The following PKD2 variants were observed in gnomAD, a reference collection of about 807,000 sequenced individuals.
The protein encoded by PKD2 is polycystin-2.
Under a neutral mutation model 105.9 loss-of-function variants are expected in PKD2, and 48 were observed. That is an observed-to-expected ratio of 0.45 (90% CI 0.36 to 0.58). The LOEUF (loss-of-function observed/expected upper bound fraction) is 0.58, where lower values mean the gene tolerates loss of function less well. PKD2 is among the 20% of genes least tolerant of loss of function. The pLI is 0.00. For missense variants in PKD2, 1,078 were observed against 1,255.3 expected (o/e 0.86, Z 2.13); for synonymous variants, 464 against 481.1 (o/e 0.96, Z 0.46).
intron 6 of PKD2, among the ~76,000 whole-genome samples, chr4:88,047,983 C>T (rs1004895411): frequency 4.6e-5 from 7 of 152,078 alleles, no homozygotes; most frequent in East Asian, 1.9e-4. Context: ...ATTAAGCATC[C>T]GTCACTTCCT....
chr4:88,036,083 G>C, intron 2 of PKD2, 137 bp from the exon 3 acceptor site: 1 of 1,307,994 alleles, frequency 7.6e-7, no homozygotes, highest in Non-Finnish European at 1.1e-6. Context: ...GGGAAAGGAA[G>C]GCAAGGGTGA....
At chr4:88,023,076 C>A (rs1353618709) in intron 2 of PKD2, among the ~76,000 whole-genome samples, 3 of 151,060 alleles carry the variant, frequency 2.0e-5, no homozygotes, top group African/African-American at 7.3e-5. Flanking sequence ...CAGAGCAAGA[C>A]CCTGTCTCAA....
intron 10 of PKD2, among the ~76,000 whole-genome samples, chr4:88,062,216 C>T (rs1251390366): frequency 1.3e-5 from 2 of 152,068 alleles, no homozygotes; most frequent in Non-Finnish European, 2.9e-5. Context: ...TCCTTTTATG[C>T]CCTGGAATTA....
At chr4:88,044,430 A>G (rs1018639528) in intron 5 of PKD2, among the ~76,000 whole-genome samples, 1 of 152,176 alleles carries the variant, frequency 6.6e-6, no homozygotes, top group African/African-American at 2.4e-5. Flanking sequence ...GTTAAGTTCA[A>G]TTCTGCTTTA....
chr4:88,065,796 T>C lies in PKD2; in HGVS notation c.2275T>C (p.Phe759Leu). The C allele has an allele frequency of 2.5e-6, 4 of 1,613,440 alleles. No individual in the cohort carries two copies. Among genetic ancestry groups the C allele is most frequent in the Non-Finnish European group, 3.4e-6 (4 of 1,179,400 alleles). Residue 759 changes from phenylalanine (F) to leucine (L), a missense_variant, in exon 12 of 15, where the codon TTC becomes CTC. Phe to Leu is a conservative substitution (Grantham distance 22). This residue lies in a region of PKD2 where 868 missense variants were observed against 1,067.3 expected (regional missense o/e 0.81). Transcript: ENST00000237596. ...TACTGATGCAGAGATTGAGGCAATATTCACAAAGTACGACCAAGATGGAGA... is the reference window on the plus strand; with the variant it reads ...TACTGATGCAGAGATTGAGGCAATACTCACAAAGTACGACCAAGATGGAGA... ...GHTDAEIEAI[F>L]TKYDQDGDQE...
intron 4 of PKD2, among the ~76,000 whole-genome samples, chr4:88,039,027 G>T (rs946295362): frequency 2.6e-5 from 4 of 152,150 alleles, no homozygotes; most frequent in African/African-American, 9.7e-5. Flanking sequence ...GGGGCTTTTT[G>T]TACACTTTGG....
At chr4:88,025,953 A>C (rs954017487) in intron 2 of PKD2, among the ~76,000 whole-genome samples, 1 of 152,186 alleles carries the variant, frequency 6.6e-6, no homozygotes, top group African/African-American at 2.4e-5. Context: ...AGCCATTTGG[A>C]ACTGTAAGTC....
intron 9 of PKD2, among the ~76,000 whole-genome samples, chr4:88,060,088 C>T (rs1284028480): frequency 6.6e-6 from 1 of 152,204 alleles, no homozygotes; most frequent in Non-Finnish European, 1.5e-5. Context: ...AAGAGCCTTT[C>T]TCAAGCACTT....
intron 2 of PKD2, chr4:88,035,935 C>G (rs558537576): frequency 2.3e-6 from 1 of 437,054 alleles, no homozygotes; most frequent in East Asian, 4.9e-5. Flanking sequence ...GTTGGTAGTC[C>G]TAAATATCAA....
At chr4:88,049,651 C>T (rs114657048) in intron 6 of PKD2, among the ~76,000 whole-genome samples, 75 of 152,308 alleles carry the variant, frequency 4.9e-4, no homozygotes, top group African/African-American at 1.7e-3. Flanking sequence ...CTGTGCTCCA[C>T]TGGACCTTCA....
In PKD2 at chr4:88,046,624, G is replaced by A. The variant is rs975218214; in HGVS notation, c.1320-18G>A. 7.9e-6 allele frequency: 11 copies of A among 1,400,824 alleles called. No homozygotes were observed. The highest frequency in any genetic ancestry group is 1.8e-4 in the Middle Eastern group (1 of 5,642). 86.8% of individuals were successfully genotyped at this position (1,400,824 alleles called of 1,614,324 possible). ...TGTTGTTGTTGTTATTGTTTTAATT[G>A]TTCTTATTTACATGCAGGTTATTGG... On this transcript the variant is annotated intron_variant, in intron 5 of 14. Transcript: ENST00000237596.
chr4:88,073,845 T>TA (rs112132137), intron 13 of PKD2, among the ~76,000 whole-genome samples: 1 of 152,190 alleles, frequency 6.6e-6, no homozygotes, highest in Non-Finnish European at 1.5e-5. Flanking sequence ...TTTCAACAGT[T>TA]ACAGTTATTT....
At chr4:88,062,478 A>G (rs540647363) in intron 10 of PKD2, among the ~76,000 whole-genome samples, 1 of 152,384 alleles carries the variant, frequency 6.6e-6, no homozygotes, top group East Asian at 1.9e-4. Flanking sequence ...TAAAATAAGC[A>G]AAGGAAAAGA....
chr4:88,054,614 A>G (rs1179486470), intron 7 of PKD2, among the ~76,000 whole-genome samples: 1 of 141,738 alleles, frequency 7.1e-6, no homozygotes, highest in East Asian at 2.1e-4. Flanking sequence ...TCGATACTTT[A>G]TCATTAAGGT....
At chr4:88,065,679 C>A in intron 11 of PKD2, 83 bp from the exon 12 acceptor site, 2 of 1,216,658 alleles carry the variant, frequency 1.6e-6, no homozygotes, top group Non-Finnish European at 2.4e-6. Context: ...TTTCTCCTTT[C>A]CTCCTGCATT....
chr4:88,068,401 C>T (rs186023730), intron 13 of PKD2, among the ~76,000 whole-genome samples: 4 of 151,544 alleles, frequency 2.6e-5, no homozygotes, highest in Admixed American at 6.6e-5. Flanking sequence ...ACCCGGGAGG[C>T]GGAGGTTACA....
At position 88,008,294 on chromosome 4, in the gene PKD2, G is replaced by A. The variant is rs1415928360; in HGVS notation, c.561G>A (p.Val187=). The part of the protein sequence containing the change: ...HLPLEGQPPR[V]AWAERLVRGL... ...CCCTGGAAGGGCAGCCGCCCCGAGT[G>A]GCCTGGGCGGAGAGGCTGGTTCGCG... The change falls in exon 1 of 15, where the codon GTG becomes GTA. Residue 187 remains valine, a synonymous_variant. Transcript: ENST00000237596. The A allele has an allele frequency of 6.6e-7, 1 of 1,508,118 alleles. No homozygotes were observed. The highest frequency in any genetic ancestry group is 1.2e-5 in the South Asian group (1 of 80,952). The allele number at this position is 1,508,118 out of a possible 1,614,324, so 93.4% of individuals were successfully genotyped here.
At chr4:88,046,048 G>T (rs1023252954) in intron 5 of PKD2, among the ~76,000 whole-genome samples, 2 of 151,894 alleles carry the variant, frequency 1.3e-5, no homozygotes, top group African/African-American at 4.8e-5. Flanking sequence ...CCAGCACTCT[G>T]AAAGGCCCAG....
In PKD2 at chr4:88,017,538, T is replaced by C. The variant is rs189368970; in HGVS notation, c.596-1920T>C. Among the ~76,000 whole-genome samples, 312 of 152,244 alleles carry C rather than the reference T, an allele frequency of 2.0e-3. 3 individuals are homozygous for C. Among genetic ancestry groups the C allele is most frequent in the African/African-American group, 7.2e-3 (300 of 41,548 alleles). On this transcript the variant is annotated intron_variant, in intron 1 of 14. Coordinates refer to ENST00000237596, the MANE Select transcript of PKD2 (RefSeq NM_000297.4). ...GATTCTTCTGCCTCAGCCTCCCATGTAGCTGGGATTACAGGCGCCCGCCAC... is the reference window on the plus strand; with the variant it reads ...GATTCTTCTGCCTCAGCCTCCCATGCAGCTGGGATTACAGGCGCCCGCCAC...
Sources: allele counts gnomAD v4.1 joint callset (sites outside exome capture counted in the v4.1 genomes callset), GRCh38; gene constraint gnomAD v4.1.1; regional missense constraint gnomAD v4.1.1; transcripts MANE v1.5; gene names NCBI Gene and HGNC (gene_info 2026-07-23, HGNC 2026-07-21).